Variants in GZF1 observed in about 807,000 individuals in gnomAD.
GZF1 encodes the protein GDNF-inducible zinc finger protein 1.
Under a neutral mutation model 49.4 loss-of-function variants are expected in GZF1, and 28 were observed. The ratio of observed to expected loss-of-function variants is 0.57; its 90% CI spans 0.42 to 0.78. The LOEUF is 0.78. Ranked by LOEUF, GZF1 falls within the 30% of genes least tolerant of loss-of-function variation. The probability of loss-of-function intolerance (pLI) is 0.00; values close to 1 mark genes in which losing one functional copy is unlikely to be tolerated. For synonymous variants in GZF1, 364 were observed against 356.0 expected, an observed-to-expected ratio of 1.02 and a Z score of -0.25; for missense variants, 798 against 916.2, an observed-to-expected ratio of 0.87 and a Z score of 1.67.
At position 23,371,963 on chromosome 20, in the gene GZF1, T is replaced by C. The variant is rs181246522; in HGVS notation, c.*1522T>C. 6.5e-6 allele frequency: 1 copy of C among 152,788 alleles called. No individual in the cohort carries two copies. The highest frequency in any genetic ancestry group is 1.5e-5 in the Non-Finnish European group (1 of 68,034). The allele number at this position is 152,788 out of a possible 1,614,324, so 9.5% of individuals were successfully genotyped here. On this transcript the variant is annotated 3_prime_UTR_variant, in exon 6 of 6. Coordinates refer to ENST00000338121, the MANE Select transcript of GZF1 (RefSeq NM_022482.5). ...GGTGTTTCAGGCGCTGATAACATGC[T>C]TCACACCTGCCCTTGGAGGTCACAG...
In GZF1 at chr20:23,370,280, A is replaced by G. The variant is rs745567748; in HGVS notation, c.1975A>G (p.Thr659Ala). The change falls in exon 6 of 6, where the codon ACC (threonine) becomes GCC (alanine). Residue 659 changes from threonine (T) to alanine (A), a missense_variant. Transcript: ENST00000338121. ...GGCTGCAGTCCAAGACACTGTACCT[A>G]CCATGCAGGAGAACAGTTCTGCTGA... is the stretch of plus-strand genomic sequence containing the variant. Reference protein sequence around the residue: ...NLAAVQDTVPTMQENSSADTA... With the variant: ...NLAAVQDTVPAMQENSSADTA... 3.7e-6 allele frequency: 6 copies of G among 1,614,164 alleles called. No homozygotes were observed. The South Asian group carries it at 5.5e-5, about 15-fold the overall frequency.
rs6036393 is a variant in GZF1 at position 23,365,313 on chromosome 20, G to A, written c.930G>A (p.Gly310=). The change falls in exon 2 of 6, where the codon GGG becomes GGA. Residue 310 remains glycine (G), a synonymous_variant. Coordinates refer to ENST00000338121, the MANE Select transcript of GZF1 (RefSeq NM_022482.5). The part of the protein sequence containing the change: ...EEEEEEEDEE[G]EKKKSNFKCS... ...AGGAGGAGGAGGAGGACGAAGAAGGGGAGAAGAAGAAGAGCAACTTTAAGT... is the reference window on the plus strand; with the variant it reads ...AGGAGGAGGAGGAGGACGAAGAAGGAGAGAAGAAGAAGAGCAACTTTAAGT... 0.031 allele frequency: 49,608 copies of A among 1,607,980 alleles called. 2,380 individuals are homozygous for A. Among genetic ancestry groups the A allele is most frequent in the African/African-American group, 0.2 (14,798 of 74,744 alleles).
At position 23,371,795 on chromosome 20, in the gene GZF1, C is replaced by G. The variant is rs1445463570; in HGVS notation, c.*1354C>G. 6.6e-6 allele frequency: 1 copy of G among 152,196 alleles called. No individual in the cohort carries two copies. The highest frequency in any genetic ancestry group is 1.5e-5 in the Non-Finnish European group (1 of 68,018). The allele number at this position is 152,196 out of a possible 1,614,324, so 9.4% of individuals were successfully genotyped here. A position where few individuals can be genotyped will look rare whatever the true frequency, so the allele number is the denominator to read the frequency against. ...CTACATTTTTAATTTATTAAACTTG[C>G]TGTGAAAACACTTTGATTTTCTAAG... On this transcript the variant is annotated 3_prime_UTR_variant, in exon 6 of 6. Coordinates refer to ENST00000338121, the MANE Select transcript of GZF1 (RefSeq NM_022482.5).
intron 5 of GZF1, 130 bp downstream of exon 5, chr20:23,369,871 C>G: frequency 1.8e-6 from 2 of 1,084,454 alleles, no homozygotes; most frequent in Non-Finnish European, 2.6e-6. Flanking sequence ...TGGGTTGTCT[C>G]TGCAGTGGAA....
rs934182953 is a variant in GZF1, at chr20:23,371,164, A to T, written c.*723A>T. Reference sequence around the variant, plus strand: ...GAGATGAGGCTGTTCAGTTTGTCTTAAAAAAATCAGATTAGGTAAAAGCTG... The same window carrying T: ...GAGATGAGGCTGTTCAGTTTGTCTTTAAAAAATCAGATTAGGTAAAAGCTG... On this transcript the variant is annotated 3_prime_UTR_variant, in exon 6 of 6. Transcript: ENST00000338121. 26 of 152,736 alleles carry T rather than the reference A, an allele frequency of 1.7e-4. No individual in the cohort carries two copies. Among genetic ancestry groups the T allele is most frequent in the African/African-American group, 5.8e-4 (24 of 41,548 alleles). The allele number at this position is 152,736 out of a possible 1,614,324, so 9.5% of individuals were successfully genotyped here.
chr20:23,367,979 T>TCACC (rs1158041388), intron 3 of GZF1, among the ~76,000 whole-genome samples: 4 of 152,224 alleles, frequency 2.6e-5, no homozygotes, highest in Non-Finnish European at 5.9e-5. Flanking sequence ...AGACACCACA[T>TCACC]CTGTGTGATT....
At chr20:23,365,844 TC>T in intron 2 of GZF1, 97 bp downstream of exon 2, 1 of 1,421,606 alleles carries the variant, frequency 7.0e-7, no homozygotes, top group Non-Finnish European at 9.2e-7. Context: ...GCTTAATTTC[TC>T]CGCTCCAAAC....
chr20:23,363,783 T>C (rs757599554), intron 1 of GZF1, among the ~76,000 whole-genome samples: 6 of 152,216 alleles, frequency 3.9e-5, no homozygotes, highest in Non-Finnish European at 7.3e-5. Context: ...TAACATTATT[T>C]CAGTAGAGTA....
intron 2 of GZF1, 71 bp from the exon 3 acceptor site, chr20:23,366,932 G>A: frequency 2.9e-6 from 3 of 1,041,956 alleles, no homozygotes; most frequent in Non-Finnish European, 3.0e-6. Flanking sequence ...TTGCAGGATA[G>A]AGTGGAAATT....
chr20:23,370,700 A>C lies in GZF1; in HGVS notation c.*259A>C. On this transcript the variant is annotated 3_prime_UTR_variant, in exon 6 of 6. Transcript: ENST00000338121. ...ACATAACCTCACTTAATTCTGGTGT[A>C]GGGTGTATGTGCTAATCGTTCTAAT... 1 of 474,790 alleles carries C rather than the reference A, an allele frequency of 2.1e-6. No individual in the cohort carries two copies. Among genetic ancestry groups the C allele is most frequent in the Admixed American group, 3.8e-5 (1 of 26,296 alleles). The allele number at this position is 474,790 out of a possible 1,614,324, so 29.4% of individuals were successfully genotyped here. A position where few individuals can be genotyped will look rare whatever the true frequency, so the allele number is the denominator to read the frequency against.
Position 23,365,148 on chromosome 20 carries a change from G to A in GZF1, c.765G>A (p.Val255=). 1 of 1,613,990 alleles carries A rather than the reference G, an allele frequency of 6.2e-7. No homozygotes were observed. Among genetic ancestry groups the A allele is most frequent in the East Asian group, 2.2e-5 (1 of 44,872 alleles). ...REQQKTAEGD[V]GDYRCPQDQS... ...AGCAGAAAACTGCTGAGGGTGATGT[G>A]GGGGACTACAGGTGTCCCCAGGACC... Residue 255 remains valine (V), a synonymous_variant, in exon 2 of 6, where the codon GTG becomes GTA. Transcript: ENST00000338121.
intron 3 of GZF1, 124 bp downstream of exon 3, chr20:23,367,221 TC>T: frequency 1.5e-6 from 1 of 667,746 alleles, no homozygotes; most frequent in East Asian, 2.7e-5. Context: ...AGCTTTTCCA[TC>T]TAGTAAGTGA....
intron 4 of GZF1, 90 bp from the exon 5 acceptor site, chr20:23,369,493 TG>T (rs1453153244): frequency 3.0e-5 from 36 of 1,199,502 alleles, no homozygotes; most frequent in Non-Finnish European, 4.2e-5. Flanking sequence ...CCCAGTGGTT[TG>T]CAACAGCATC....
In GZF1 at chr20:23,365,274, G is replaced by A. The variant is rs1555786635; in HGVS notation, c.891G>A (p.Pro297=). 4.4e-6 allele frequency: 7 copies of A among 1,606,650 alleles called. No individual in the cohort carries two copies. In the South Asian group the frequency reaches 5.5e-5, roughly 13 times the overall value. Residue 297 remains proline, a synonymous_variant, in exon 2 of 6, where the codon CCG becomes CCA. Coordinates refer to ENST00000338121, the MANE Select transcript of GZF1 (RefSeq NM_022482.5). ...ELEELSKKAG[P]EEEEEEEEED... ...AGGAATTGTCAAAGAAAGCAGGGCC[G>A]GAGGAGGAAGAGGAGGAGGAGGAGG...
chr20:23,369,596 A>G lies in GZF1; in HGVS notation c.1640A>G (p.Tyr547Cys). The G allele has an allele frequency of 6.2e-7, 1 of 1,612,300 alleles. No homozygotes were observed. Among genetic ancestry groups the G allele is most frequent in the Non-Finnish European group, 8.5e-7 (1 of 1,179,054 alleles). Residue 547 changes from tyrosine (Y) to cysteine (C), a missense_variant, in exon 5 of 6, where the codon TAC becomes TGC. Tyr to Cys is a radical substitution (Grantham distance 194). Around this residue, in one of 3 missense-constraint regions of GZF1, gnomAD observed 446 missense variants for 540.1 expected, o/e 0.83. Transcript: ENST00000338121. ...HIKVHTGERPYCCDQCGKQFT... is the reference protein window; with the variant it reads ...HIKVHTGERPCCCDQCGKQFT... The stretch of plus-strand genomic sequence containing the variant: ...CTCCCTGCCTCAGGGGAGCGTCCCT[A>G]CTGCTGTGACCAGTGCGGCAAGCAG...
At chr20:23,369,904 G>A (rs982903003) in intron 5 of GZF1, among the ~76,000 whole-genome samples, 163 bp downstream of exon 5, 1 of 152,188 alleles carries the variant, frequency 6.6e-6, no homozygotes, top group African/African-American at 2.4e-5. Flanking sequence ...GAATGAAGTG[G>A]AACACCAAGC....
Position 23,364,609 on chromosome 20 carries a change from A to G in GZF1, c.226A>G (p.Asn76Asp). The G allele has an allele frequency of 2.5e-6, 4 of 1,614,214 alleles. No individual in the cohort carries two copies. The highest frequency in any genetic ancestry group is 3.4e-6 in the Non-Finnish European group (4 of 1,180,024). Residue 76 changes from asparagine to aspartate, a missense_variant, in exon 2 of 6, where the codon AAT becomes GAT. Physicochemically the swap from Asn to Asp is conservative, Grantham distance 23 (BLOSUM62 1). This residue lies in a region of GZF1 where 105 missense variants were observed against 147.5 expected (regional missense o/e 0.71). Transcript: ENST00000338121. Reference protein sequence around the residue: ...NEKSVDGTRTNVYLNEVQVAD... With the variant: ...NEKSVDGTRTDVYLNEVQVAD... Reference sequence around the variant, plus strand: ...GAAGAGTGTGGATGGTACTAGGACTAATGTCTACTTAAATGAAGTGCAGGT... The same window carrying G: ...GAAGAGTGTGGATGGTACTAGGACTGATGTCTACTTAAATGAAGTGCAGGT...
intron 3 of GZF1, among the ~76,000 whole-genome samples, chr20:23,367,490 C>A (rs561610277): frequency 6.6e-6 from 1 of 152,264 alleles, no homozygotes; most frequent in African/African-American, 2.4e-5. Context: ...TGTCCAACTA[C>A]AAGGAAGTGC....
intron 1 of GZF1, chr20:23,363,306 T>C (rs1174431839): frequency 6.6e-6 from 1 of 152,272 alleles, no homozygotes; most frequent in East Asian, 1.9e-4. Context: ...GAAACAGGAA[T>C]CAAAGAGGAA....
Sources: gnomAD v4.1 joint callset for allele counts (sites outside exome capture counted in the v4.1 genomes callset) on GRCh38, gnomAD v4.1.1 for gene constraint, gnomAD v4.1.1 regional missense constraint, MANE v1.5 for transcripts, NCBI Gene and HGNC (gene_info 2026-07-23, HGNC 2026-07-21) for gene names.